KAZN: variants seen among roughly 807,000 people sequenced by gnomAD.
KAZN encodes kazrin, periplakin interacting protein, also known as kazrin.
Under a neutral mutation model 87.4 loss-of-function variants are expected in KAZN, and 40 were observed. The observed-to-expected ratio is 0.46, with a 90% CI of 0.36 to 0.60. The LOEUF is 0.60. Among genes scored for constraint, KAZN ranks in the 20% least tolerant of loss-of-function variants. KAZN has a pLI of 0.00. For synonymous variants in KAZN, 466 were observed against 458.3 expected, an observed-to-expected ratio of 1.02 and a Z score of -0.22; for missense variants, 898 against 1,073.9, an observed-to-expected ratio of 0.84 and a Z score of 2.29.
chr1:14,131,677 C>T (rs1389491132), intron 1 of KAZN, among the ~76,000 whole-genome samples: 1 of 152,044 alleles, frequency 6.6e-6, no homozygotes, highest in African/African-American at 2.4e-5. Context: ...AAATCCCCTC[C>T]ACTTTCAGTT....
At chr1:14,789,787 A>AAAT (rs1645619053) in intron 1 of KAZN, among the ~76,000 whole-genome samples, 1 of 140,634 alleles carries the variant, frequency 7.1e-6, no homozygotes, top group African/African-American at 2.8e-5. Context: ...AAAAAAAAAA[A>AAAT]AAAAAAAAAA....
intron 1 of KAZN, among the ~76,000 whole-genome samples, chr1:13,933,511 A>G (rs1331205254): frequency 6.6e-6 from 1 of 152,042 alleles, no homozygotes. Context: ...AATATTAATC[A>G]AGTCTGGTAG....
intron 1 of KAZN, among the ~76,000 whole-genome samples, chr1:13,977,836 G>A (rs904203796): frequency 1.4e-4 from 22 of 152,200 alleles, no homozygotes; most frequent in African/African-American, 4.3e-4. Flanking sequence ...TGCAATTGTC[G>A]GATTCTCTAG....
At chr1:14,680,939 C>T (rs572635431) in intron 1 of KAZN, among the ~76,000 whole-genome samples, 1 of 152,330 alleles carries the variant, frequency 6.6e-6, no homozygotes, top group African/African-American at 2.4e-5. Flanking sequence ...GCGTGCTTGG[C>T]TTCTGAGGAG....
intron 2 of KAZN, among the ~76,000 whole-genome samples, chr1:14,457,488 A>G (rs1177343882): frequency 6.6e-6 from 1 of 152,200 alleles, no homozygotes; most frequent in East Asian, 1.9e-4. Flanking sequence ...AACTTTATTC[A>G]TAATGTCCAT....
chr1:13,989,291 C>A (rs115575835), intron 1 of KAZN, among the ~76,000 whole-genome samples: 2,080 of 152,122 alleles, frequency 0.014, 42 homozygotes, highest in African/African-American at 0.047. Context: ...GGGTATATGG[C>A]AAGCAGAGAT....
intron 2 of KAZN, among the ~76,000 whole-genome samples, chr1:14,524,491 A>C (rs1204833066): frequency 6.6e-6 from 1 of 152,144 alleles, no homozygotes; most frequent in Non-Finnish European, 1.5e-5. Flanking sequence ...GATTAGACCA[A>C]TTTATCACCA....
chr1:14,623,443 A>T (rs1678869285), intron 1 of KAZN, among the ~76,000 whole-genome samples: 1 of 152,202 alleles, frequency 6.6e-6, no homozygotes, highest in African/African-American at 2.4e-5. Flanking sequence ...CAAAGAAGGG[A>T]ATGACAGACA....
chr1:15,000,625 C>T (rs933618248), intron 2 of KAZN, among the ~76,000 whole-genome samples: 7 of 151,988 alleles, frequency 4.6e-5, no homozygotes, highest in Middle Eastern at 3.4e-3. Context: ...GTTCATTCCT[C>T]CTAGAACTGT....
chr1:14,966,584 C>T lies in KAZN; in HGVS notation c.418+5709C>T, dbSNP rs563799573. On this transcript the variant is annotated intron_variant, in intron 2 of 14. Transcript: ENST00000376030. The stretch of plus-strand genomic sequence containing the variant: ...GTGGTAGTTTCTTGAAGGTTTGTTG[C>T]AGTGCGCATCTGAAACCTAATCCTT... Among the ~76,000 whole-genome samples, 113 of 152,308 alleles carry T rather than the reference C, an allele frequency of 7.4e-4. 1 individual carries two copies. Among genetic ancestry groups the T allele is most frequent in the Non-Finnish European group, 1.4e-3 (94 of 68,032 alleles).
At chr1:14,649,605 G>T (rs1345636657) in intron 1 of KAZN, among the ~76,000 whole-genome samples, 1 of 152,158 alleles carries the variant, frequency 6.6e-6, no homozygotes. Flanking sequence ...TACATTTCCA[G>T]ACACACAGCT....
chr1:14,630,425 G>A (rs1179963974), intron 1 of KAZN, among the ~76,000 whole-genome samples: 1 of 152,202 alleles, frequency 6.6e-6, no homozygotes, highest in Non-Finnish European at 1.5e-5. Context: ...GGTGGCTCAT[G>A]CCTGTAATCC....
intron 13 of KAZN, among the ~76,000 whole-genome samples, chr1:15,106,543 A>C (rs1238008575): frequency 2.6e-5 from 4 of 152,096 alleles, no homozygotes; most frequent in African/African-American, 9.7e-5. Flanking sequence ...AGCACCAGAG[A>C]AGGGACTGGT....
At chr1:14,015,156 C>A (rs939626393) in intron 1 of KAZN, among the ~76,000 whole-genome samples, 1 of 152,164 alleles carries the variant, frequency 6.6e-6, no homozygotes, top group African/African-American at 2.4e-5. Flanking sequence ...TTTGAGAAAA[C>A]GTATTATGAT....
At chr1:13,956,857 G>A (rs1641569556) in intron 1 of KAZN, among the ~76,000 whole-genome samples, 1 of 152,190 alleles carries the variant, frequency 6.6e-6, no homozygotes, top group Non-Finnish European at 1.5e-5. Context: ...AAAGACCCAA[G>A]GAAGGGAGGA....
intron 1 of KAZN, among the ~76,000 whole-genome samples, chr1:14,136,626 C>G (rs1217967028): frequency 6.6e-6 from 1 of 151,598 alleles, no homozygotes; most frequent in Non-Finnish European, 1.5e-5. Flanking sequence ...GTGCACAGTA[C>G]CCTGGAAAGA....
At chr1:14,644,086 A>G (rs1437822974) in intron 1 of KAZN, among the ~76,000 whole-genome samples, 2 of 132,408 alleles carry the variant, frequency 1.5e-5, no homozygotes, top group Non-Finnish European at 3.0e-5. Flanking sequence ...ATCTCCGCTC[A>G]CTGCAACCTC....
chr1:14,630,457 C>T (rs1260045389), intron 1 of KAZN, among the ~76,000 whole-genome samples: 1 of 152,094 alleles, frequency 6.6e-6, no homozygotes. Context: ...GAGGCCAAAA[C>T]GGGAGGATCA....
intron 8 of KAZN, among the ~76,000 whole-genome samples, chr1:15,069,142 G>A (rs1639394952): frequency 6.6e-6 from 1 of 152,066 alleles, no homozygotes; most frequent in Non-Finnish European, 1.5e-5. Context: ...ATCTGAGGAG[G>A]GCAAGTGTGG....
Sources: gnomAD v4.1 joint callset for allele counts (sites outside exome capture counted in the v4.1 genomes callset) on GRCh38, gnomAD v4.1.1 for gene constraint, MANE v1.5 for transcripts, NCBI Gene and HGNC (gene_info 2026-07-23, HGNC 2026-07-21) for gene names.